RPS6KC1: variants seen among roughly 807,000 people sequenced by gnomAD.
The protein encoded by RPS6KC1 is ribosomal protein S6 kinase C1.
In RPS6KC1, 54 loss-of-function variants were observed where a neutral mutation model predicts 103.8. The observed-to-expected ratio is 0.52, with a 90% CI of 0.42 to 0.65. RPS6KC1 has a LOEUF of 0.65. Ranked by LOEUF, RPS6KC1 falls within the 30% of genes least tolerant of loss-of-function variation. RPS6KC1 has a pLI of 0.00. For missense variants in RPS6KC1, 1,151 were observed against 1,253.8 expected (o/e 0.92, Z 1.24); for synonymous variants, 439 against 438.7 (o/e 1.00, Z -0.01).
chr1:213,471,747 ATT>A, the RPS6KC1 span, among the ~76,000 whole-genome samples: 125 of 143,876 alleles, frequency 8.7e-4, no homozygotes, highest in Middle Eastern at 3.6e-3. Flanking sequence ...TTCTGCCTTC[ATT>A]TTTTTTTTTT....
intron 4 of RPS6KC1, 59 bp from the exon 5 acceptor site, chr1:213,117,258 T>G: frequency 1.0e-6 from 1 of 967,910 alleles, no homozygotes; most frequent in South Asian, 1.4e-5. Context: ...AACTATTTTT[T>G]ATTTAGTGTT....
intron 8 of RPS6KC1, among the ~76,000 whole-genome samples, chr1:213,181,729 A>G (rs2092281223): frequency 6.6e-6 from 1 of 152,218 alleles, no homozygotes; most frequent in African/African-American, 2.4e-5. Flanking sequence ...AGAATTCTAT[A>G]TCCTGTGAAA....
chr1:213,509,221 G>T, the RPS6KC1 span, among the ~76,000 whole-genome samples: 1 of 152,164 alleles, frequency 6.6e-6, no homozygotes, highest in Admixed American at 6.5e-5. Context: ...CATGGCTAAA[G>T]ACCAAATCTG....
intron 8 of RPS6KC1, among the ~76,000 whole-genome samples, chr1:213,199,845 G>A (rs2093091186): frequency 6.6e-6 from 1 of 152,112 alleles, no homozygotes; most frequent in African/African-American, 2.4e-5. Context: ...ACCAACAACA[G>A]TCAAGCCACG....
intron 5 of RPS6KC1, among the ~76,000 whole-genome samples, chr1:213,118,038 A>AAAAAAAAAAAAAAAAAAAAAC (rs1558354181): frequency 6.7e-6 from 1 of 149,158 alleles, no homozygotes; most frequent in Admixed American, 6.7e-5. Flanking sequence ...AAAAAAAAAA[A>AAAAAAAAAAAAAAAAAAAAAC]AGCCTTACTC....
chr1:213,138,465 C>T (rs992705160), intron 6 of RPS6KC1, among the ~76,000 whole-genome samples: 1 of 152,048 alleles, frequency 6.6e-6, no homozygotes, highest in Non-Finnish European at 1.5e-5. Flanking sequence ...CCCAGGTAAT[C>T]GGTGTAATAT....
At chr1:213,666,904 T>C in the RPS6KC1 span, among the ~76,000 whole-genome samples, 1 of 152,210 alleles carries the variant, frequency 6.6e-6, no homozygotes. Flanking sequence ...CGTGAGCTGG[T>C]TCTTAGTGAG....
the RPS6KC1 span, among the ~76,000 whole-genome samples, chr1:213,564,758 T>C: frequency 6.6e-6 from 1 of 152,364 alleles, no homozygotes; most frequent in Non-Finnish European, 1.5e-5. Flanking sequence ...AATTTGTTTC[T>C]GTGGTTCCTA....
intron 8 of RPS6KC1, among the ~76,000 whole-genome samples, chr1:213,191,731 A>C (rs997661763): frequency 2.6e-5 from 4 of 152,068 alleles, no homozygotes; most frequent in Non-Finnish European, 5.9e-5. Flanking sequence ...CTTAGAGGAA[A>C]GGCTTTCAGT....
the RPS6KC1 span, among the ~76,000 whole-genome samples, chr1:213,586,095 C>T: frequency 3.9e-5 from 6 of 152,224 alleles, no homozygotes; most frequent in Non-Finnish European, 5.9e-5. Context: ...CTCTGAAGTG[C>T]ATTTCCCTCC....
the RPS6KC1 span, among the ~76,000 whole-genome samples, chr1:213,282,177 C>T: frequency 5.3e-5 from 8 of 152,202 alleles, no homozygotes; most frequent in Non-Finnish European, 8.8e-5. Context: ...TGTCACAAAA[C>T]GGAGTTTCTT....
the RPS6KC1 span, among the ~76,000 whole-genome samples, chr1:213,420,279 A>G: frequency 6.6e-6 from 1 of 152,220 alleles, no homozygotes; most frequent in East Asian, 1.9e-4. Context: ...TGGTTTTCTC[A>G]GAGAGTATGT....
the RPS6KC1 span, among the ~76,000 whole-genome samples, chr1:213,419,219 C>T: frequency 5.3e-4 from 80 of 152,328 alleles, no homozygotes; most frequent in African/African-American, 1.9e-3. Context: ...CCTAGAGGTG[C>T]TCCAGAGTGC....
At chr1:213,284,033 C>A in the RPS6KC1 span, among the ~76,000 whole-genome samples, 1 of 151,968 alleles carries the variant, frequency 6.6e-6, no homozygotes, top group Non-Finnish European at 1.5e-5. Context: ...ATAAAGGTAG[C>A]ATTCCAGAAA....
intron 12 of RPS6KC1, among the ~76,000 whole-genome samples, chr1:213,251,868 G>A (rs2094551775): frequency 6.6e-6 from 1 of 152,102 alleles, no homozygotes; most frequent in Non-Finnish European, 1.5e-5. Flanking sequence ...GACATAATTG[G>A]TATAATATTG....
the RPS6KC1 span, among the ~76,000 whole-genome samples, chr1:213,765,608 G>A: frequency 1.3e-5 from 2 of 152,078 alleles, no homozygotes; most frequent in East Asian, 1.9e-4. Flanking sequence ...TTGTTGAACC[G>A]CAAAACTTCC....
At chr1:213,244,743 C>T (rs1052961260) in intron 12 of RPS6KC1, among the ~76,000 whole-genome samples, 1 of 152,120 alleles carries the variant, frequency 6.6e-6, no homozygotes, top group Non-Finnish European at 1.5e-5. Context: ...TAAGCCTTGT[C>T]CCAGAAATTA....
chr1:213,710,053 A>T, the RPS6KC1 span, among the ~76,000 whole-genome samples: 1 of 152,196 alleles, frequency 6.6e-6, no homozygotes, highest in African/African-American at 2.4e-5. Flanking sequence ...TCCAGAACTG[A>T]GTTCAAGTCC....
chr1:213,284,803 AAAAG>A, the RPS6KC1 span, among the ~76,000 whole-genome samples: 1 of 152,204 alleles, frequency 6.6e-6, no homozygotes, highest in South Asian at 2.1e-4. Flanking sequence ...TAATACCAAA[AAAAG>A]GAAAAAGTAC....
Sources: gnomAD v4.1 joint callset for allele counts (sites outside exome capture counted in the v4.1 genomes callset) on GRCh38, gnomAD v4.1.1 for gene constraint, MANE v1.5 for transcripts, NCBI Gene and HGNC (gene_info 2026-07-23, HGNC 2026-07-21) for gene names.